LYPLAL1: variants seen among roughly 807,000 people sequenced by gnomAD.
LYPLAL1 encodes lysophospholipase-like protein 1.
In LYPLAL1, 23 loss-of-function variants were observed where a neutral mutation model predicts 19.7. That is an observed-to-expected ratio of 1.17 (90% confidence interval 0.84 to 1.65). The LOEUF is 1.65. Ranked by LOEUF, LYPLAL1 falls within the 40% of genes most tolerant of loss-of-function variation. The pLI is 0.00. For missense variants in LYPLAL1, 355 were observed against 279.4 expected (o/e 1.27, Z -1.93); for synonymous variants, 119 against 96.3 (o/e 1.24, Z -1.38).
chr1:219,274,751 A>G, the LYPLAL1 span, among the ~76,000 whole-genome samples: 7 of 152,170 alleles, frequency 4.6e-5, no homozygotes, highest in Non-Finnish European at 8.8e-5. Context: ...TCTATTTTCT[A>G]TGCTGAGTTT....
chr1:219,259,223 A>G, the LYPLAL1 span, among the ~76,000 whole-genome samples: 1 of 151,994 alleles, frequency 6.6e-6, no homozygotes, highest in African/African-American at 2.4e-5. Flanking sequence ...TAAGAAAGTA[A>G]AAGTAGAATT....
At chr1:219,333,126 G>A in the LYPLAL1 span, among the ~76,000 whole-genome samples, 4 of 151,976 alleles carry the variant, frequency 2.6e-5, no homozygotes, top group East Asian at 3.9e-4. Context: ...CCCTGCCAAG[G>A]GTACGTGTGA....
chr1:219,302,302 TC>T, the LYPLAL1 span, among the ~76,000 whole-genome samples: 2 of 152,188 alleles, frequency 1.3e-5, no homozygotes, highest in Admixed American at 1.3e-4. Flanking sequence ...CAAGAGTCAC[TC>T]TTCTGGGCAA....
the LYPLAL1 span, among the ~76,000 whole-genome samples, chr1:219,254,080 GT>G: frequency 6.6e-6 from 1 of 151,810 alleles, no homozygotes; most frequent in African/African-American, 2.4e-5. Flanking sequence ...ACTCTGTTTT[GT>G]CTGAAATTAA....
At chr1:219,319,696 T>A in the LYPLAL1 span, among the ~76,000 whole-genome samples, 1 of 151,904 alleles carries the variant, frequency 6.6e-6, no homozygotes, top group African/African-American at 2.4e-5. Context: ...GAGGCAAGAG[T>A]GTAACAAGCA....
chr1:219,295,849 A>G, the LYPLAL1 span, among the ~76,000 whole-genome samples: 1 of 152,168 alleles, frequency 6.6e-6, no homozygotes, highest in Non-Finnish European at 1.5e-5. Context: ...GGTCTTTGCA[A>G]TGGGCCTTCT....
At chr1:219,340,019 A>T in the LYPLAL1 span, among the ~76,000 whole-genome samples, 1 of 151,936 alleles carries the variant, frequency 6.6e-6, no homozygotes, top group African/African-American at 2.4e-5. Flanking sequence ...GGATTCTAAG[A>T]CTCTCAAAAG....
chr1:219,338,087 C>A, the LYPLAL1 span, among the ~76,000 whole-genome samples: 4 of 151,918 alleles, frequency 2.6e-5, no homozygotes, highest in Non-Finnish European at 5.9e-5. Flanking sequence ...TCTCATTTTA[C>A]GTGGTTTGGA....
chr1:219,343,841 C>T, the LYPLAL1 span, among the ~76,000 whole-genome samples: 102 of 149,976 alleles, frequency 6.8e-4, no homozygotes, highest in Non-Finnish European at 1.1e-3. Flanking sequence ...TTTGCCTTCG[C>T]ATATCTACCC....
At chr1:219,388,847 A>G in the LYPLAL1 span, among the ~76,000 whole-genome samples, 1 of 152,148 alleles carries the variant, frequency 6.6e-6, no homozygotes, top group African/African-American at 2.4e-5. Flanking sequence ...GTTCATTATT[A>G]CTTGATGAGA....
At chr1:219,316,469 G>C in the LYPLAL1 span, among the ~76,000 whole-genome samples, 1 of 152,134 alleles carries the variant, frequency 6.6e-6, no homozygotes, top group African/African-American at 2.4e-5. Flanking sequence ...TGAGTGGAAA[G>C]TGTTCTTTCC....
the LYPLAL1 span, among the ~76,000 whole-genome samples, chr1:219,382,924 C>A: frequency 2.0e-5 from 3 of 151,756 alleles, no homozygotes; most frequent in Non-Finnish European, 4.4e-5. Flanking sequence ...AAATGCCCAC[C>A]TACTCGGTGC....
intron 2 of LYPLAL1, among the ~76,000 whole-genome samples, chr1:219,191,459 TC>T (rs1405953307): frequency 6.6e-6 from 1 of 151,648 alleles, no homozygotes; most frequent in African/African-American, 2.4e-5. Context: ...TGAAAGGATT[TC>T]CATGAGATAT....
At chr1:219,298,295 G>A in the LYPLAL1 span, among the ~76,000 whole-genome samples, 1 of 152,168 alleles carries the variant, frequency 6.6e-6, no homozygotes, top group South Asian at 2.1e-4. Context: ...CGGTGCTGGA[G>A]TAAGACCCTG....
At chr1:219,392,991 T>G in the LYPLAL1 span, among the ~76,000 whole-genome samples, 6 of 152,198 alleles carry the variant, frequency 3.9e-5, no homozygotes, top group Admixed American at 1.3e-4. Context: ...TATTTTTGCT[T>G]GGGTCTATTG....
chr1:219,330,262 T>G, the LYPLAL1 span, among the ~76,000 whole-genome samples: 1 of 152,220 alleles, frequency 6.6e-6, no homozygotes, highest in Non-Finnish European at 1.5e-5. Context: ...GACATTACTT[T>G]CAGGAATTTC....
chr1:219,445,201 C>T, the LYPLAL1 span, among the ~76,000 whole-genome samples: 1 of 150,952 alleles, frequency 6.6e-6, no homozygotes, highest in African/African-American at 2.4e-5. Context: ...AATAAGTTTC[C>T]ATTTGTAACT....
rs74614368 is a variant in LYPLAL1 at position 219,186,435 on chromosome 1, T to C, written c.192-6647T>C. Among the ~76,000 whole-genome samples the C allele has an allele frequency of 2.4e-4, 36 of 152,052 alleles. 1 individual carries two copies. The East Asian group carries it at 6.6e-3, about 28-fold the overall frequency. Reference sequence around the variant, plus strand: ...TGGGTATTAAAATCTCTAGCTATGATTGTAGATTGGTCTGTTTCTCCCTTT... The same window carrying C: ...TGGGTATTAAAATCTCTAGCTATGACTGTAGATTGGTCTGTTTCTCCCTTT... On this transcript the variant is annotated intron_variant, in intron 2 of 4. Transcript: ENST00000366928.
downstream of LYPLAL1, among the ~76,000 whole-genome samples, chr1:219,215,093 G>C (rs898310171): frequency 6.6e-6 from 1 of 152,026 alleles, no homozygotes; most frequent in East Asian, 1.9e-4. Flanking sequence ...GTGAAGACCT[G>C]TATTTTTTTT....
Sources: gnomAD v4.1 joint callset for allele counts (sites outside exome capture counted in the v4.1 genomes callset) on GRCh38, gnomAD v4.1.1 for gene constraint, MANE v1.5 for transcripts, NCBI Gene and HGNC (gene_info 2026-07-23, HGNC 2026-07-21) for gene names.